EXOC4: variants seen among roughly 807,000 people sequenced by gnomAD.
The protein encoded by EXOC4 is exocyst complex component 4.
Under a neutral mutation model 107.2 loss-of-function variants are expected in EXOC4, and 71 were observed. The observed-to-expected ratio is 0.66, with a 90% CI of 0.55 to 0.81. EXOC4 has a LOEUF of 0.81. Among genes scored for constraint, EXOC4 ranks in the 30% least tolerant of loss-of-function variants. The probability of loss-of-function intolerance (pLI) is 0.00; values close to 1 mark genes in which losing one functional copy is unlikely to be tolerated. For missense variants in EXOC4, 1,108 were observed against 1,189.6 expected (o/e 0.93, Z 1.01); for synonymous variants, 456 against 441.2 (o/e 1.03, Z -0.42).
chr7:133,649,483 TTTA>T lies in EXOC4; in HGVS notation c.1514+19343_1514+19345del, dbSNP rs1803082594. Among the ~76,000 whole-genome samples, 2 of 123,076 alleles carry T rather than the reference TTTA, an allele frequency of 1.6e-5. 1 individual carries two copies. The highest frequency in any genetic ancestry group is 5.8e-5 in the African/African-American group (2 of 34,650). 80.7% of individuals were successfully genotyped at this position (123,076 alleles called of 152,430 possible). A position where few individuals can be genotyped will look rare whatever the true frequency, so the allele number is the denominator to read the frequency against. On this transcript the variant is annotated intron_variant, in intron 10 of 17. Transcript: ENST00000253861. ...CTACTTTTTCTTTTTTTTTTTTTTT[TTTA>T]ACCAGTAAAGATTATTTATAACTTT...
chr7:133,626,595 C>A (rs186019815), intron 9 of EXOC4, among the ~76,000 whole-genome samples: 10 of 152,106 alleles, frequency 6.6e-5, no homozygotes, highest in African/African-American at 2.2e-4. Context: ...TATTTCTGCC[C>A]GAACTTTACT....
chr7:133,486,062 C>G (rs536617474), intron 9 of EXOC4, among the ~76,000 whole-genome samples: 10 of 152,038 alleles, frequency 6.6e-5, no homozygotes, highest in Admixed American at 3.9e-4. Context: ...TTCTATAGCC[C>G]TGACATTAAA....
chr7:133,342,004 T>C (rs759339074), intron 5 of EXOC4, among the ~76,000 whole-genome samples: 2 of 152,218 alleles, frequency 1.3e-5, no homozygotes, highest in Non-Finnish European at 2.9e-5. Context: ...CTGTATCTTT[T>C]ACGTGGAGCG....
chr7:133,982,193 T>G (rs1049552908), intron 14 of EXOC4, among the ~76,000 whole-genome samples: 1 of 152,142 alleles, frequency 6.6e-6, no homozygotes, highest in Non-Finnish European at 1.5e-5. Flanking sequence ...CAAACCCCCA[T>G]GACGCAAATT....
At chr7:133,442,276 G>A (rs1798122344) in intron 7 of EXOC4, among the ~76,000 whole-genome samples, 2 of 152,204 alleles carry the variant, frequency 1.3e-5, no homozygotes, top group South Asian at 2.1e-4. Flanking sequence ...CTAGCGTGAA[G>A]TGAGGGGAAC....
intron 14 of EXOC4, among the ~76,000 whole-genome samples, chr7:133,993,813 G>A (rs1431776335): frequency 6.6e-6 from 1 of 152,136 alleles, no homozygotes; most frequent in Non-Finnish European, 1.5e-5. Context: ...GGTGGCCACA[G>A]CCTCAATTCT....
intron 10 of EXOC4, among the ~76,000 whole-genome samples, chr7:133,767,659 T>C (rs528304443): frequency 2.6e-5 from 4 of 152,138 alleles, no homozygotes; most frequent in Non-Finnish European, 4.4e-5. Flanking sequence ...ATGAAACTTA[T>C]GTGAAACAGA....
At chr7:133,688,600 A>G (rs372724471) in intron 10 of EXOC4, among the ~76,000 whole-genome samples, 7 of 152,298 alleles carry the variant, frequency 4.6e-5, no homozygotes, top group African/African-American at 9.6e-5. Context: ...ATATTTTTAA[A>G]CAAGTAAATT....
intron 16 of EXOC4, among the ~76,000 whole-genome samples, chr7:134,006,024 T>C (rs2116333280): frequency 6.6e-6 from 1 of 152,278 alleles, no homozygotes; most frequent in East Asian, 1.9e-4. Context: ...GTTAACCCCA[T>C]GGCACTATGA....
At chr7:133,447,994 T>G (rs1798256610) in intron 7 of EXOC4, among the ~76,000 whole-genome samples, 1 of 152,222 alleles carries the variant, frequency 6.6e-6, no homozygotes, top group South Asian at 2.1e-4. Context: ...TCATGGAATA[T>G]TGTCCCAAAT....
chr7:133,337,482 T>C (rs2150617781), intron 5 of EXOC4, among the ~76,000 whole-genome samples: 1 of 152,254 alleles, frequency 6.6e-6, no homozygotes. Flanking sequence ...TAGTGAGATG[T>C]AATTAACATC....
intron 7 of EXOC4, among the ~76,000 whole-genome samples, chr7:133,389,447 C>A (rs2150713634): frequency 6.6e-6 from 1 of 151,776 alleles, no homozygotes; most frequent in South Asian, 2.1e-4. Flanking sequence ...GTGGTGGGTG[C>A]CTGTAATCCC....
At chr7:134,058,671 A>C (rs76235427) in intron 17 of EXOC4, among the ~76,000 whole-genome samples, 26 of 151,716 alleles carry the variant, frequency 1.7e-4, no homozygotes, top group Non-Finnish European at 3.1e-4. Flanking sequence ...ATTACAAAGA[A>C]AGAGCTGAGT....
Position 133,421,925 on chromosome 7 carries a change from G to A in EXOC4, c.1182+46923G>A, listed in dbSNP as rs529602072. 2.6e-5 allele frequency among the ~76,000 whole-genome samples: 4 copies of A among 152,222 alleles called. No individual in the cohort carries two copies. The East Asian group carries it at 7.7e-4, about 29-fold the overall frequency. On this transcript the variant is annotated intron_variant, in intron 7 of 17. Coordinates refer to ENST00000253861, the MANE Select transcript of EXOC4 (RefSeq NM_021807.4). Reference sequence around the variant, plus strand: ...TGAAGAATATGATCCTTGCCCTGAAGCAATTTTTTAATTTACTAAGAGAAA... The same window carrying A: ...TGAAGAATATGATCCTTGCCCTGAAACAATTTTTTAATTTACTAAGAGAAA...
intron 10 of EXOC4, among the ~76,000 whole-genome samples, chr7:133,710,897 T>C (rs1023262989): frequency 2.6e-5 from 3 of 113,494 alleles, no homozygotes; most frequent in Non-Finnish European, 3.7e-5. Context: ...GATATCAGGC[T>C]TAATTTTAAC....
the EXOC4 span, among the ~76,000 whole-genome samples, chr7:134,086,364 C>T: frequency 6.6e-6 from 1 of 152,152 alleles, no homozygotes; most frequent in Non-Finnish European, 1.5e-5. Context: ...AGGTCTCAAT[C>T]AGAACTTTGT....
intron 7 of EXOC4, among the ~76,000 whole-genome samples, chr7:133,417,477 C>G (rs1281758606): frequency 1.3e-5 from 2 of 152,098 alleles, no homozygotes; most frequent in African/African-American, 4.8e-5. Flanking sequence ...GTAAAAAAAT[C>G]TCATTTATAA....
chr7:133,938,947 T>C (rs936742424), intron 14 of EXOC4, among the ~76,000 whole-genome samples: 50 of 152,020 alleles, frequency 3.3e-4, no homozygotes, highest in African/African-American at 1.1e-3. Context: ...GGATTACAAG[T>C]GTGCACCACC....
chr7:133,972,480 A>G (rs571042377), intron 14 of EXOC4, among the ~76,000 whole-genome samples: 2 of 152,298 alleles, frequency 1.3e-5, no homozygotes, highest in African/African-American at 4.8e-5. Flanking sequence ...TTCGTTACTT[A>G]TCTTCCTTAT....
Sources: gnomAD v4.1 joint callset for allele counts (sites outside exome capture counted in the v4.1 genomes callset) on GRCh38, gnomAD v4.1.1 for gene constraint, MANE v1.5 for transcripts, NCBI Gene and HGNC (gene_info 2026-07-23, HGNC 2026-07-21) for gene names.